The following TMEM131L variants were observed in gnomAD, a reference collection of about 807,000 sequenced individuals.
The protein encoded by TMEM131L is transmembrane protein 131-like.
TMEM131L carries 54 observed loss-of-function variants against 192.2 expected under a neutral mutation model. The ratio of observed to expected loss-of-function variants is 0.28; its 90% CI spans 0.23 to 0.35. TMEM131L has a LOEUF of 0.35. Ranked by LOEUF, TMEM131L falls within the 10% of genes least tolerant of loss-of-function variation. The probability of loss-of-function intolerance (pLI) is 1.00; values close to 1 mark genes in which losing one functional copy is unlikely to be tolerated. For synonymous variants in TMEM131L, 701 were observed against 704.9 expected (o/e 0.99, Z 0.09); for missense variants, 1,888 against 1,972.9 (o/e 0.96, Z 0.82).
chr4:153,594,902 T>C (rs963335236), intron 19 of TMEM131L, among the ~76,000 whole-genome samples: 53 of 152,288 alleles, frequency 3.5e-4, no homozygotes, highest in African/African-American at 1.2e-3. Flanking sequence ...TAGTCCAAAA[T>C]ACTAAGTGAT....
chr4:153,558,375 T>G lies in TMEM131L; in HGVS notation c.660+7T>G. The G allele has an allele frequency of 6.5e-7, 1 of 1,540,116 alleles. No individual in the cohort carries two copies. Among genetic ancestry groups the G allele is most frequent in the Non-Finnish European group, 8.9e-7 (1 of 1,118,230 alleles). On this transcript the variant is annotated splice_region_variant and intron_variant, in intron 7 of 34. Coordinates refer to ENST00000409959, the MANE Select transcript of TMEM131L (RefSeq NM_001131007.2). ...TCAGCTGTCTCAAATGCAGGTCATT[T>G]TAATAGATTTACTTTGAATGCTGGT...
intron 7 of TMEM131L, among the ~76,000 whole-genome samples, chr4:153,563,138 C>T (rs185216339): frequency 6.6e-6 from 1 of 152,266 alleles, no homozygotes; most frequent in East Asian, 1.9e-4. Flanking sequence ...CATAAATAGT[C>T]TGGAAGGTGA....
intron 3 of TMEM131L, among the ~76,000 whole-genome samples, chr4:153,514,339 A>G (rs369898778): frequency 3.3e-5 from 5 of 152,294 alleles, no homozygotes; most frequent in African/African-American, 1.2e-4. Flanking sequence ...TTTCTCTTGG[A>G]TCTCAATTGC....
Position 153,562,059 on chromosome 4 carries a change from G to A in TMEM131L, c.660+3691G>A, listed in dbSNP as rs144079233. Among the ~76,000 whole-genome samples, 17 of 148,038 alleles carry A rather than the reference G, an allele frequency of 1.1e-4. No homozygotes were observed. The East Asian group carries it at 3.1e-3, about 27-fold the overall frequency. On this transcript the variant is annotated intron_variant, in intron 7 of 34. Coordinates refer to ENST00000409959, the MANE Select transcript of TMEM131L (RefSeq NM_001131007.2). The stretch of plus-strand genomic sequence containing the variant: ...ATTTTAAATTTTTTTTTTTTTTGAG[G>A]CAGAGTCTTGCTCTATTGCCTAGGC...
At chr4:153,559,738 C>T (rs1728724316) in intron 7 of TMEM131L, among the ~76,000 whole-genome samples, 1 of 152,128 alleles carries the variant, frequency 6.6e-6, no homozygotes, top group South Asian at 2.1e-4. Flanking sequence ...ACTTTAGTCC[C>T]TTCCTACCTC....
intron 28 of TMEM131L, among the ~76,000 whole-genome samples, chr4:153,622,136 C>T (rs1012419512): frequency 3.3e-5 from 5 of 152,158 alleles, no homozygotes; most frequent in African/African-American, 9.7e-5. Context: ...AGATAGGTCC[C>T]CTTTGGTGAA....
rs1733956509 is a variant in TMEM131L, at chr4:153,627,837, A to G, written c.4207+150A>G. The G allele has an allele frequency of 1.1e-5, 7 of 634,028 alleles. No individual in the cohort carries two copies. In the East Asian group the frequency reaches 2.0e-4, roughly 18 times the overall value. The allele number at this position is 634,028 out of a possible 1,614,324, so 39.3% of individuals were successfully genotyped here. On this transcript the variant is annotated intron_variant, in intron 31 of 34. Coordinates refer to ENST00000409959, the MANE Select transcript of TMEM131L (RefSeq NM_001131007.2). ...TCTGCAAGCCACACGTTCATACATCAGGAAGGCACCTACTCTGTGGACGGG... is the reference window on the plus strand; with the variant it reads ...TCTGCAAGCCACACGTTCATACATCGGGAAGGCACCTACTCTGTGGACGGG...
chr4:153,602,132 CTT>C lies in TMEM131L; in HGVS notation c.2267-14_2267-13del. Reference sequence around the variant, plus strand: ...TTTATAGTTCACATATACTAAATATCTTTTTTTGGTTCCCATTAGAACTGAAA... The same window carrying C: ...TTTATAGTTCACATATACTAAATATCTTTTTGGTTCCCATTAGAACTGAAA... On this transcript the variant is annotated intron_variant, in intron 21 of 34. Coordinates refer to ENST00000409959, the MANE Select transcript of TMEM131L (RefSeq NM_001131007.2). 1 of 1,406,680 alleles carries C rather than the reference CTT, an allele frequency of 7.1e-7. No homozygotes were observed. The highest frequency in any genetic ancestry group is 9.7e-7 in the Non-Finnish European group (1 of 1,025,750). 87.1% of individuals were successfully genotyped at this position (1,406,680 alleles called of 1,614,324 possible).
intron 3 of TMEM131L, among the ~76,000 whole-genome samples, chr4:153,530,394 G>GTA (rs1735805994): frequency 6.6e-6 from 1 of 152,140 alleles, no homozygotes; most frequent in Non-Finnish European, 1.5e-5. Context: ...ATATTATTAG[G>GTA]TATGGTACAG....
At chr4:153,577,646 G>C (rs1310383128) in intron 7 of TMEM131L, among the ~76,000 whole-genome samples, 3 of 152,170 alleles carry the variant, frequency 2.0e-5, no homozygotes, top group Admixed American at 2.0e-4. Flanking sequence ...CTGATATCTG[G>C]GGTATTTATT....
chr4:153,514,350 T>C (rs1734563405), intron 3 of TMEM131L, among the ~76,000 whole-genome samples: 1 of 152,222 alleles, frequency 6.6e-6, no homozygotes, highest in South Asian at 2.1e-4. Flanking sequence ...TCTCAATTGC[T>C]TTTCACTTGG....
At chr4:153,522,388 G>A (rs192663937) in intron 3 of TMEM131L, among the ~76,000 whole-genome samples, 5 of 152,314 alleles carry the variant, frequency 3.3e-5, no homozygotes, top group Non-Finnish European at 7.4e-5. Context: ...GTGAGAAGCA[G>A]GGATGTTGCA....
At chr4:153,529,075 T>A (rs1008582151) in intron 3 of TMEM131L, among the ~76,000 whole-genome samples, 2 of 152,096 alleles carry the variant, frequency 1.3e-5, no homozygotes, top group African/African-American at 4.8e-5. Flanking sequence ...ATCAGTTGCC[T>A]GTTCTGTGAT....
intron 4 of TMEM131L, among the ~76,000 whole-genome samples, chr4:153,554,398 G>C (rs1737848107): frequency 6.6e-6 from 1 of 152,132 alleles, no homozygotes; most frequent in Non-Finnish European, 1.5e-5. Context: ...ATACACATTG[G>C]ATATATTAAA....
chr4:153,483,076 A>T (rs1384048751), intron 3 of TMEM131L, among the ~76,000 whole-genome samples: 1 of 152,240 alleles, frequency 6.6e-6, no homozygotes, highest in East Asian at 1.9e-4. Flanking sequence ...AGTCTAGAAT[A>T]AAAATAGGCA....
At position 153,493,660 on chromosome 4, in the gene TMEM131L, A is replaced by T. The variant is rs551770593; in HGVS notation, c.239+19772A>T. 3.3e-5 allele frequency among the ~76,000 whole-genome samples: 5 copies of T among 152,242 alleles called. No individual in the cohort carries two copies. The South Asian group carries it at 1.0e-3, about 32-fold the overall frequency. On this transcript the variant is annotated intron_variant, in intron 3 of 34. Coordinates refer to ENST00000409959, the MANE Select transcript of TMEM131L (RefSeq NM_001131007.2). ...GGGCGATAGCACTAGACTGTCTCAA[A>T]AAAAGAAAAAAAACGCTTGGAGCCA...
chr4:153,526,034 T>C (rs1462716739), intron 3 of TMEM131L, among the ~76,000 whole-genome samples: 1 of 152,056 alleles, frequency 6.6e-6, no homozygotes, highest in Non-Finnish European at 1.5e-5. Flanking sequence ...TTTTTTTGTA[T>C]TTTTAGTAGA....
At chr4:153,508,720 T>C (rs940333384) in intron 3 of TMEM131L, among the ~76,000 whole-genome samples, 8 of 151,050 alleles carry the variant, frequency 5.3e-5, no homozygotes, top group African/African-American at 1.9e-4. Context: ...GGCTGGAGTG[T>C]AGTGGCCTCA....
chr4:153,547,884 G>A (rs1473118803), intron 3 of TMEM131L, among the ~76,000 whole-genome samples: 1 of 152,258 alleles, frequency 6.6e-6, no homozygotes, highest in Non-Finnish European at 1.5e-5. Flanking sequence ...ATCTGTTCAT[G>A]TGGAGGTTGT....
Sources: gnomAD v4.1 joint callset for allele counts (sites outside exome capture counted in the v4.1 genomes callset) on GRCh38, gnomAD v4.1.1 for gene constraint, MANE v1.5 for transcripts, NCBI Gene and HGNC (gene_info 2026-07-23, HGNC 2026-07-21) for gene names.